ASPG: variants seen among roughly 807,000 people sequenced by gnomAD.
ASPG encodes 60 kDa lysophospholipase.
ASPG carries 53 observed loss-of-function variants against 63.2 expected under a neutral mutation model. The observed-to-expected ratio is 0.84, with a 90% CI of 0.67 to 1.05. The LOEUF is 1.05. ASPG is among the 50% of genes least tolerant of loss of function. The pLI, the probability that ASPG is intolerant of heterozygous loss-of-function variation, is 0.00. For synonymous variants in ASPG, 370 were observed against 355.0 expected (o/e 1.04, Z -0.48); for missense variants, 741 against 794.4 (o/e 0.93, Z 0.81).
intron 1 of ASPG, 146 bp downstream of exon 1, chr14:104,085,998 C>T (rs1198246951): frequency 4.1e-6 from 3 of 727,846 alleles, no homozygotes; most frequent in East Asian, 3.4e-5. Flanking sequence ...CCTCCGGTTC[C>T]GGCCACCGGC....
At chr14:104,104,957 C>G (rs964844178) in intron 9 of ASPG, 11 of 584,990 alleles carry the variant, frequency 1.9e-5, no homozygotes, top group African/African-American at 3.8e-5. Flanking sequence ...CTCCGCCTGT[C>G]CTTGTGCCTT....
intron 2 of ASPG, 160 bp from the exon 3 acceptor site, chr14:104,093,331 G>A: frequency 1.4e-6 from 1 of 707,404 alleles, no homozygotes; most frequent in Non-Finnish European, 2.5e-6. Flanking sequence ...GGGGGGCCGG[G>A]CCCCGTACCT....
rs2037329942 is a variant in ASPG at position 104,110,239 on chromosome 14, GT to G, written c.1520+925del. 1 of 984,998 alleles carries G rather than the reference GT, an allele frequency of 1.0e-6. No homozygotes were observed. The highest frequency in any genetic ancestry group is 1.7e-5 in the African/African-American group (1 of 57,160). The allele number at this position is 984,998 out of a possible 1,614,324, so 61.0% of individuals were successfully genotyped here. A position where few individuals can be genotyped will look rare whatever the true frequency, so the allele number is the denominator to read the frequency against. ...CCAGAGTCCCAGGCTTGGGGAGTGGGTGATGGCGGGGGCTCGGCTCACTGGC... is the reference window on the plus strand; with the variant it reads ...CCAGAGTCCCAGGCTTGGGGAGTGGGGATGGCGGGGGCTCGGCTCACTGGC... On this transcript the variant is annotated intron_variant, in intron 13 of 15. Transcript: ENST00000551177. This position sits in a 1 kb window ranked among gnomAD's most constrained non-coding sequence, Gnocchi z 4.7.
chr14:104,112,116 G>GACCCA, intron 15 of ASPG, 116 bp downstream of exon 15: 1 of 975,452 alleles, frequency 1.0e-6, no homozygotes, highest in Non-Finnish European at 1.5e-6. Flanking sequence ...GCTGAGATGG[G>GACCCA]TCCCAGCCAG....
At chr14:104,108,883 G>C (rs2037264282) in intron 12 of ASPG, 1 of 985,300 alleles carries the variant, frequency 1.0e-6, no homozygotes, top group Non-Finnish European at 1.2e-6. Flanking sequence ...CTTGGAATGG[G>C]TTGGGGAGAC....
chr14:104,108,101 G>A (rs1331708787), intron 12 of ASPG, among the ~76,000 whole-genome samples: 2 of 152,158 alleles, frequency 1.3e-5, no homozygotes, highest in Non-Finnish European at 2.9e-5. Context: ...GTTCAGTTGT[G>A]GGTTCCCCTC....
chr14:104,085,993 G>T (rs1429516554), intron 1 of ASPG, 141 bp downstream of exon 1: 14 of 769,170 alleles, frequency 1.8e-5, no homozygotes, highest in Non-Finnish European at 2.7e-5. Context: ...GCTCTCCTCC[G>T]GTTCCGGCCA....
At chr14:104,093,679 G>GC (rs1298354716) in intron 3 of ASPG, 77 bp downstream of exon 3, 120 of 1,085,902 alleles carry the variant, frequency 1.1e-4, no homozygotes, top group Admixed American at 1.8e-4. Context: ...GCTGTGGTGT[G>GC]TGGGTGGGGC....
intron 1 of ASPG, among the ~76,000 whole-genome samples, chr14:104,089,075 C>CA (rs2036294169): frequency 6.6e-6 from 1 of 151,796 alleles, no homozygotes; most frequent in South Asian, 2.1e-4. Context: ...GACTGGAGTG[C>CA]AGTGGCGCGA....
chr14:104,107,027 A>C (rs1283689787), intron 11 of ASPG, 133 bp downstream of exon 11: 13 of 1,306,200 alleles, frequency 1.0e-5, no homozygotes, highest in Non-Finnish European at 1.4e-5. Context: ...GGGCAGCAGG[A>C]CTGTCCTGCC....
chr14:104,089,593 G>C (rs1322049574), intron 1 of ASPG, among the ~76,000 whole-genome samples: 1 of 152,162 alleles, frequency 6.6e-6, no homozygotes, highest in African/African-American at 2.4e-5. Context: ...TGACTGCGGG[G>C]TGAGTGCTGG....
chr14:104,092,483 C>T, intron 1 of ASPG, 150 bp from the exon 2 acceptor site: 2 of 683,542 alleles, frequency 2.9e-6, no homozygotes, highest in Non-Finnish European at 5.0e-6. Flanking sequence ...TGAGGGGTCC[C>T]AGGGGCAGCC....
chr14:104,097,636 A>G lies in ASPG; in HGVS notation c.512A>G (p.Glu171Gly). The change falls in exon 5 of 16, where the codon GAG becomes GGG. Residue 171 changes from glutamate to glycine, a missense_variant and splice_region_variant. Glu to Gly is a moderately conservative substitution (Grantham distance 98). Transcript: ENST00000551177. ...ATGGCTGGCCAGTATGTGATCCCAG[A>G]GGTACCTGCCTGGTGCACGTGGAGG... Reference protein sequence around the residue: ...LLMAGQYVIPEVCLFFQNQLF... With the variant: ...LLMAGQYVIPGVCLFFQNQLF... The G allele has an allele frequency of 6.4e-7, 1 of 1,561,826 alleles. No homozygotes were observed. The highest frequency in any genetic ancestry group is 8.7e-7 in the Non-Finnish European group (1 of 1,153,978).
intron 9 of ASPG, 56 bp from the exon 10 acceptor site, chr14:104,105,272 C>G: frequency 6.2e-7 from 1 of 1,612,236 alleles, no homozygotes; most frequent in Non-Finnish European, 8.5e-7. Context: ...TCCAGGCTGT[C>G]CTGGGCTGCC....
At chr14:104,098,192 G>A (rs371754383) in intron 5 of ASPG, among the ~76,000 whole-genome samples, 2 of 151,774 alleles carry the variant, frequency 1.3e-5, no homozygotes, top group Non-Finnish European at 2.9e-5. Flanking sequence ...TTAGAGATGC[G>A]TATGGAGGTT....
At chr14:104,094,654 A>G (rs1186850772) in intron 3 of ASPG, among the ~76,000 whole-genome samples, 1 of 152,178 alleles carries the variant, frequency 6.6e-6, no homozygotes, top group Non-Finnish European at 1.5e-5. Context: ...AGCACCACCC[A>G]GGACAGGACC....
At chr14:104,094,683 G>A (rs894729116) in intron 3 of ASPG, among the ~76,000 whole-genome samples, 3 of 152,212 alleles carry the variant, frequency 2.0e-5, no homozygotes, top group Non-Finnish European at 4.4e-5. Flanking sequence ...GTAGCCGGCA[G>A]CCCTCACCGG....
At chr14:104,106,370 G>C (rs2037128207) in intron 10 of ASPG, among the ~76,000 whole-genome samples, 1 of 152,176 alleles carries the variant, frequency 6.6e-6, no homozygotes, top group South Asian at 2.1e-4. Context: ...GGGGCAGGTG[G>C]CTCTTCTGGG....
intron 1 of ASPG, among the ~76,000 whole-genome samples, chr14:104,086,431 G>C (rs2140968862): frequency 6.6e-6 from 1 of 152,338 alleles, no homozygotes; most frequent in Non-Finnish European, 1.5e-5. Flanking sequence ...GTTGACCAGA[G>C]ACCAGCGATT....
Sources: gnomAD v4.1 joint callset for allele counts (sites outside exome capture counted in the v4.1 genomes callset) on GRCh38, gnomAD v4.1.1 for gene constraint, Gnocchi (gnomAD v3.1) non-coding constraint, MANE v1.5 for transcripts, NCBI Gene and HGNC (gene_info 2026-07-23, HGNC 2026-07-21) for gene names.